AKAP12: variants seen among roughly 807,000 people sequenced by gnomAD.
AKAP12 encodes the protein A-kinase anchor protein 12.
A neutral mutation model predicts 79.9 loss-of-function variants in AKAP12; 32 were observed. The ratio of observed to expected loss-of-function variants is 0.40; its 90% CI spans 0.30 to 0.54. The LOEUF (loss-of-function observed/expected upper bound fraction) is 0.54, where lower values mean the gene tolerates loss of function less well. Among genes scored for constraint, AKAP12 ranks in the 20% least tolerant of loss-of-function variants. AKAP12 has a pLI of 0.48. For synonymous variants in AKAP12, 808 were observed against 857.0 expected (o/e 0.94, Z 1.00); for missense variants, 2,074 against 2,177.0 (o/e 0.95, Z 0.94).
intron 2 of AKAP12, among the ~76,000 whole-genome samples, chr6:151,276,422 G>A (rs1211067615): frequency 6.6e-6 from 1 of 152,238 alleles, no homozygotes; most frequent in Non-Finnish European, 1.5e-5. Flanking sequence ...ATAGCTGCCA[G>A]TACATTCAGT....
chr6:151,277,087 A>G (rs1045071845), intron 2 of AKAP12, among the ~76,000 whole-genome samples: 1 of 152,234 alleles, frequency 6.6e-6, no homozygotes, highest in Non-Finnish European at 1.5e-5. Context: ...ACCGAAGAAA[A>G]TGAATAGGAA....
rs1305106247 is a variant in AKAP12 at position 151,349,884 on chromosome 6, G to A, written c.1493G>A (p.Ser498Asn). 2.5e-6 allele frequency: 4 copies of A among 1,614,208 alleles called. No individual in the cohort carries two copies. Among genetic ancestry groups the A allele is most frequent in the Non-Finnish European group, 2.5e-6 (3 of 1,180,042 alleles). ...VLSKPPEGVVSEVEMLSSQER... is the reference protein window; with the variant it reads ...VLSKPPEGVVNEVEMLSSQER... Reference sequence around the variant, plus strand: ...TCCAAACCCCCCGAAGGCGTTGTGAGTGAGGTGGAAATGCTGTCATCACAG... The same window carrying A: ...TCCAAACCCCCCGAAGGCGTTGTGAATGAGGTGGAAATGCTGTCATCACAG... The change falls in exon 4 of 5, where the codon AGT becomes AAT. Residue 498 changes from serine (S) to asparagine (N), a missense_variant. Ser to Asn is a conservative substitution (Grantham distance 46). Coordinates refer to ENST00000402676, the MANE Select transcript of AKAP12 (RefSeq NM_005100.4).
chr6:151,272,252 G>A (rs756597243), intron 2 of AKAP12, among the ~76,000 whole-genome samples: 9 of 150,106 alleles, frequency 6.0e-5, no homozygotes, highest in Admixed American at 1.3e-4. Context: ...GGACTAGGTG[G>A]AAGGATCCCT....
At chr6:151,347,355 C>T (rs893570783) in intron 3 of AKAP12, among the ~76,000 whole-genome samples, 14 of 151,926 alleles carry the variant, frequency 9.2e-5, no homozygotes, top group African/African-American at 3.4e-4. Flanking sequence ...TGTGTAGATA[C>T]TTGTTTGTTC....
Position 151,356,710 on chromosome 6 carries a change from C to G in AKAP12, c.*996C>G, listed in dbSNP as rs994548994. On this transcript the variant is annotated 3_prime_UTR_variant, in exon 5 of 5. Coordinates refer to ENST00000402676, the MANE Select transcript of AKAP12 (RefSeq NM_005100.4). ...TGCCATTCTTTTAAGAACAATGTTG[C>G]AACACATTCATTTGGATAAGTTGTG... The G allele has an allele frequency of 6.6e-6, 1 of 152,148 alleles. No homozygotes were observed. Among genetic ancestry groups the G allele is most frequent in the Non-Finnish European group, 1.5e-5 (1 of 68,030 alleles). 9.4% of individuals were successfully genotyped at this position (152,148 alleles called of 1,614,324 possible).
At chr6:151,280,591 T>G (rs1776383333) in intron 2 of AKAP12, 1 of 151,994 alleles carries the variant, frequency 6.6e-6, no homozygotes, top group Admixed American at 6.6e-5. Flanking sequence ...TTAGTGTCTG[T>G]GCTGCCAAAC....
chr6:151,275,724 AC>A (rs1776280772), intron 2 of AKAP12, among the ~76,000 whole-genome samples: 1 of 152,198 alleles, frequency 6.6e-6, no homozygotes, highest in Admixed American at 6.5e-5. Flanking sequence ...TTATTTTCCT[AC>A]CATCTGTTGT....
chr6:151,308,021 C>T (rs765891668), intron 3 of AKAP12, among the ~76,000 whole-genome samples: 4 of 151,834 alleles, frequency 2.6e-5, no homozygotes, highest in African/African-American at 4.8e-5. Context: ...GTAGCTGGGA[C>T]GTGCCACCAC....
intron 2 of AKAP12, among the ~76,000 whole-genome samples, chr6:151,282,310 A>C (rs1562720189): frequency 6.6e-6 from 1 of 151,722 alleles, no homozygotes; most frequent in Non-Finnish European, 1.5e-5. Context: ...GGGTTTTGCC[A>C]TGTTGGCCAG....
chr6:151,267,753 T>C (rs1562713794), intron 2 of AKAP12, among the ~76,000 whole-genome samples: 1 of 152,196 alleles, frequency 6.6e-6, no homozygotes, highest in Non-Finnish European at 1.5e-5. Context: ...ACCATCGCTA[T>C]GTATCACTAT....
intron 2 of AKAP12, among the ~76,000 whole-genome samples, chr6:151,283,241 C>T (rs573927936): frequency 1.8e-4 from 27 of 152,264 alleles, no homozygotes; most frequent in African/African-American, 6.3e-4. Context: ...ATTAAATCAA[C>T]CATGAAATGC....
At chr6:151,335,408 A>G (rs1245865740) in intron 3 of AKAP12, among the ~76,000 whole-genome samples, 2 of 152,192 alleles carry the variant, frequency 1.3e-5, no homozygotes, top group Admixed American at 6.5e-5. Flanking sequence ...CTCACCTATA[A>G]TGTAAGTGAC....
At position 151,344,418 on chromosome 6, in the gene AKAP12, A is replaced by C. The variant is rs1482821903; in HGVS notation, c.320-4293A>C. On this transcript the variant is annotated intron_variant, in intron 3 of 4. Coordinates refer to ENST00000402676, the MANE Select transcript of AKAP12 (RefSeq NM_005100.4). ...AATCTAGCAATATTTGAAAAGAAAA[A>C]AAGAACTTTAGCATAACTTAGAGAA... Among the ~76,000 whole-genome samples the C allele has an allele frequency of 2.6e-5, 4 of 152,170 alleles. No individual in the cohort carries two copies. The East Asian group carries it at 7.7e-4, about 29-fold the overall frequency.
chr6:151,274,261 G>C (rs1011598410), intron 2 of AKAP12, among the ~76,000 whole-genome samples: 1 of 151,982 alleles, frequency 6.6e-6, no homozygotes, highest in Non-Finnish European at 1.5e-5. Context: ...TATTCTTTTT[G>C]TAGAGATGGG....
intron 4 of AKAP12, among the ~76,000 whole-genome samples, chr6:151,355,485 T>C (rs866864478): frequency 1.3e-5 from 2 of 151,954 alleles, no homozygotes; most frequent in Non-Finnish European, 2.9e-5. Flanking sequence ...GTATTTTTAG[T>C]GGAGACAGGG....
chr6:151,350,214 C>T lies in AKAP12; in HGVS notation c.1823C>T (p.Thr608Ile). Residue 608 changes from threonine (T) to isoleucine (I), a missense_variant, in exon 4 of 5, where the codon ACT (threonine) becomes ATT (isoleucine). By Grantham distance (89) the Thr-to-Ile change is moderately conservative. Coordinates refer to ENST00000402676, the MANE Select transcript of AKAP12 (RefSeq NM_005100.4). This position sits in a 1 kb window ranked among gnomAD's most constrained non-coding sequence, Gnocchi z 4.8. The part of the protein sequence containing the change: ...SDGEKKREGV[T>I]PWASFKKMVT... ...GGAGAGAAAAAAAGAGAAGGTGTCACTCCCTGGGCATCATTCAAAAAGATG... is the reference window on the plus strand; with the variant it reads ...GGAGAGAAAAAAAGAGAAGGTGTCATTCCCTGGGCATCATTCAAAAAGATG... 2.5e-6 allele frequency: 4 copies of T among 1,613,954 alleles called. No individual in the cohort carries two copies. Among genetic ancestry groups the T allele is most frequent in the Non-Finnish European group, 3.4e-6 (4 of 1,179,970 alleles).
chr6:151,352,469 C>T lies in AKAP12; in HGVS notation c.4078C>T (p.His1360Tyr). The T allele has an allele frequency of 6.2e-7, 1 of 1,614,186 alleles. No individual in the cohort carries two copies. Among genetic ancestry groups the T allele is most frequent in the Non-Finnish European group, 8.5e-7 (1 of 1,180,032 alleles). ...CCATGTGAATGAAGAGAAGCTTGAGCACGAAACAGCTGTTACCGTATCTGA... is the reference window on the plus strand; with the variant it reads ...CCATGTGAATGAAGAGAAGCTTGAGTACGAAACAGCTGTTACCGTATCTGA... Reference protein sequence around the residue: ...PTHVNEEKLEHETAVTVSEEV... With the variant: ...PTHVNEEKLEYETAVTVSEEV... The change falls in exon 4 of 5, where the codon CAC becomes TAC. Residue 1360 changes from histidine (H) to tyrosine (Y), a missense_variant. By Grantham distance (83) the His-to-Tyr change is moderately conservative. Around this residue, in one of 3 missense-constraint regions of AKAP12, gnomAD observed 614 missense variants for 665.6 expected, o/e 0.92. Coordinates refer to ENST00000402676, the MANE Select transcript of AKAP12 (RefSeq NM_005100.4).
intron 2 of AKAP12, among the ~76,000 whole-genome samples, chr6:151,286,675 A>T (rs1428471131): frequency 6.6e-6 from 1 of 152,130 alleles, no homozygotes; most frequent in African/African-American, 2.4e-5. Flanking sequence ...TCCGTTATCT[A>T]TTATTATTTA....
In AKAP12 at chr6:151,307,774, G is replaced by A. The variant is rs143592302; in HGVS notation, c.319+1871G>A. 3.6e-3 allele frequency among the ~76,000 whole-genome samples: 548 copies of A among 152,168 alleles called. 3 individuals carry two copies. Among genetic ancestry groups the A allele is most frequent in the African/African-American group, 0.01 (422 of 41,506 alleles). On this transcript the variant is annotated intron_variant, in intron 3 of 4. Transcript: ENST00000402676. ...GTCCCTCCCCTGTGACTATTCCATC[G>A]TCTCCCTGAGGTGACCTAGGCTTCT... is the stretch of plus-strand genomic sequence containing the variant.
Sources: allele counts gnomAD v4.1 joint callset (sites outside exome capture counted in the v4.1 genomes callset), GRCh38; gene constraint gnomAD v4.1.1; regional missense constraint gnomAD v4.1.1; non-coding constraint Gnocchi (gnomAD v3.1); transcripts MANE v1.5; gene names NCBI Gene and HGNC (gene_info 2026-07-23, HGNC 2026-07-21).